SCFD2: variants seen among roughly 807,000 people sequenced by gnomAD.
SCFD2 encodes sec1 family domain containing 2, also known as sec1 family domain-containing protein 2.
A neutral mutation model predicts 58.9 loss-of-function variants in SCFD2; 54 were observed. The observed-to-expected ratio is 0.92, with a 90% CI of 0.74 to 1.15. The LOEUF (loss-of-function observed/expected upper bound fraction) is 1.15. SCFD2 is among the 50% of genes most tolerant of loss of function. SCFD2 has a pLI of 0.00. For synonymous variants in SCFD2, 321 were observed against 335.9 expected (o/e 0.96, Z 0.49); for missense variants, 805 against 836.6 (o/e 0.96, Z 0.47).
At chr4:53,311,185 T>C (rs1342785026) in intron 3 of SCFD2, among the ~76,000 whole-genome samples, 1 of 152,166 alleles carries the variant, frequency 6.6e-6, no homozygotes, top group Non-Finnish European at 1.5e-5. Flanking sequence ...AGCCATACTG[T>C]GTTATCTGTT....
chr4:53,318,488 C>G (rs2149116502), intron 2 of SCFD2, among the ~76,000 whole-genome samples: 1 of 152,184 alleles, frequency 6.6e-6, no homozygotes. Context: ...TCTACCTAAC[C>G]CAATACAGAC....
At chr4:53,101,922 T>G (rs552504959) in intron 5 of SCFD2, among the ~76,000 whole-genome samples, 2 of 151,916 alleles carry the variant, frequency 1.3e-5, no homozygotes, top group Non-Finnish European at 2.9e-5. Flanking sequence ...AATTTTCACA[T>G]GAAACAATAG....
At chr4:52,966,116 A>G (rs1720957181) in intron 5 of SCFD2, among the ~76,000 whole-genome samples, 1 of 152,214 alleles carries the variant, frequency 6.6e-6, no homozygotes. Context: ...GCCCTCATTT[A>G]TGGAGACACA....
At chr4:53,164,804 AAAGAAG>A (rs568186119) in intron 4 of SCFD2, among the ~76,000 whole-genome samples, 48 of 143,926 alleles carry the variant, frequency 3.3e-4, no homozygotes, top group South Asian at 3.0e-3. Flanking sequence ...AAAAAAAAAA[AAAGAAG>A]AAGAAGAAGA....
At chr4:52,880,402 AG>A (rs1278552232) in intron 8 of SCFD2, among the ~76,000 whole-genome samples, 1 of 151,294 alleles carries the variant, frequency 6.6e-6, no homozygotes, top group Non-Finnish European at 1.5e-5. Flanking sequence ...GGATCACTTG[AG>A]GTAGGAGTTC....
chr4:53,007,455 C>A (rs1722004354), intron 5 of SCFD2, among the ~76,000 whole-genome samples: 1 of 150,340 alleles, frequency 6.7e-6, no homozygotes, highest in Non-Finnish European at 1.5e-5. Flanking sequence ...AGACTTGTTA[C>A]TGATAATTGT....
chr4:53,223,030 C>A (rs1185036813), intron 4 of SCFD2, among the ~76,000 whole-genome samples: 4 of 152,052 alleles, frequency 2.6e-5, no homozygotes, highest in Admixed American at 2.6e-4. Flanking sequence ...AGCCCTGGGA[C>A]AGTAAGAATG....
At chr4:53,257,777 A>T (rs920601199) in intron 4 of SCFD2, among the ~76,000 whole-genome samples, 8 of 100,182 alleles carry the variant, frequency 8.0e-5, no homozygotes, top group Non-Finnish European at 1.9e-4. Context: ...CTTCATTCAA[A>T]TGATATCATA....
intron 4 of SCFD2, among the ~76,000 whole-genome samples, chr4:53,248,917 C>T (rs1002623735): frequency 2.6e-4 from 40 of 152,360 alleles, no homozygotes; most frequent in African/African-American, 8.2e-4. Context: ...TCCAAAGGAA[C>T]GCAGTTCCTC....
intron 7 of SCFD2, among the ~76,000 whole-genome samples, chr4:52,901,106 C>G (rs1719186816): frequency 6.6e-6 from 1 of 152,250 alleles, no homozygotes; most frequent in African/African-American, 2.4e-5. Flanking sequence ...GAGGCGATGC[C>G]TCGACCTGCT....
At chr4:52,942,080 A>G (rs901416909) in intron 5 of SCFD2, among the ~76,000 whole-genome samples, 29 of 152,192 alleles carry the variant, frequency 1.9e-4, no homozygotes, top group Admixed American at 1.5e-3. Flanking sequence ...CAAGAGTTTG[A>G]TGAAAATGGT....
chr4:53,028,643 G>T (rs1213945570), intron 5 of SCFD2, among the ~76,000 whole-genome samples: 2 of 152,148 alleles, frequency 1.3e-5, no homozygotes, highest in Non-Finnish European at 2.9e-5. Flanking sequence ...GAAGAAAAGG[G>T]AGAGAGGGAA....
chr4:53,219,995 G>T (rs6554074), intron 4 of SCFD2, among the ~76,000 whole-genome samples: 81,724 of 151,810 alleles, frequency 0.54, 22,218 homozygotes, highest in Middle Eastern at 0.62. Flanking sequence ...ATTGGGTAGT[G>T]GAGGTGTTTT....
chr4:53,124,766 G>A (rs1725577185), intron 5 of SCFD2, among the ~76,000 whole-genome samples: 1 of 152,116 alleles, frequency 6.6e-6, no homozygotes, highest in Non-Finnish European at 1.5e-5. Flanking sequence ...AAAGTGAAGA[G>A]CATCATAAAA....
chr4:53,296,128 G>T (rs1470699283), intron 3 of SCFD2, among the ~76,000 whole-genome samples: 1 of 152,160 alleles, frequency 6.6e-6, no homozygotes, highest in Non-Finnish European at 1.5e-5. Flanking sequence ...TCAGGTTTTG[G>T]TATCAGGATG....
chr4:53,235,533 G>A (rs1729572544), intron 4 of SCFD2, among the ~76,000 whole-genome samples: 1 of 152,134 alleles, frequency 6.6e-6, no homozygotes, highest in East Asian at 1.9e-4. Context: ...AGCAGAGAGA[G>A]ATAAAGTAAA....
rs538347071 is a variant in SCFD2, at chr4:53,206,098, A to C, written c.1312-60516T>G. Among the ~76,000 whole-genome samples the C allele has an allele frequency of 4.5e-4, 68 of 152,236 alleles. 1 individual carries two copies. The highest frequency in any genetic ancestry group is 7.9e-4 in the Non-Finnish European group (54 of 68,026). ...ATATTAGCTGTGAGTAATTTTATAG[A>C]GTTCAAATTTCACTGTTAGCTTTTT... On this transcript the variant is annotated intron_variant, in intron 4 of 8. Transcript: ENST00000401642.
At position 53,238,527 on chromosome 4, in the gene SCFD2, G is replaced by A. The variant is rs1190442734; in HGVS notation, c.1311+35299C>T. ...ACCCCCCCACCTCCCTCCCGGATGG[G>A]GTGGCTGCCGGGCGGAGACGCTCCT... On this transcript the variant is annotated intron_variant, in intron 4 of 8. Coordinates refer to ENST00000401642, the MANE Select transcript of SCFD2 (RefSeq NM_152540.4). 2.6e-5 allele frequency among the ~76,000 whole-genome samples: 4 copies of A among 152,068 alleles called. No individual in the cohort carries two copies. The East Asian group carries it at 7.8e-4, about 30-fold the overall frequency.
intron 4 of SCFD2, among the ~76,000 whole-genome samples, chr4:53,237,428 C>T (rs1237048163): frequency 2.7e-5 from 4 of 147,068 alleles, no homozygotes; most frequent in Non-Finnish European, 6.0e-5. Flanking sequence ...CGGGCAGAGG[C>T]GCCCCTCACT....
Sources: gnomAD v4.1 joint callset for allele counts (sites outside exome capture counted in the v4.1 genomes callset) on GRCh38, gnomAD v4.1.1 for gene constraint, MANE v1.5 for transcripts, NCBI Gene and HGNC (gene_info 2026-07-23, HGNC 2026-07-21) for gene names.